KIF1C: variants seen among roughly 807,000 people sequenced by gnomAD.
KIF1C encodes the protein kinesin family member 1C.
Under a neutral mutation model 126.5 loss-of-function variants are expected in KIF1C, and 61 were observed. The ratio of observed to expected loss-of-function variants is 0.48; its 90% CI spans 0.39 to 0.60. The LOEUF (loss-of-function observed/expected upper bound fraction) is 0.60. Ranked by LOEUF, KIF1C falls within the 20% of genes least tolerant of loss-of-function variation. The pLI, the probability that KIF1C is intolerant of heterozygous loss-of-function variation, is 0.00. For missense variants in KIF1C, 1,315 were observed against 1,489.2 expected, an observed-to-expected ratio of 0.88 and a Z score of 1.93; for synonymous variants, 640 against 580.6, an observed-to-expected ratio of 1.10 and a Z score of -1.47.
rs374307938 is a variant in KIF1C at position 5,020,454 on chromosome 17, T to C, written c.1751-38T>C. 1.2e-4 allele frequency: 194 copies of C among 1,571,168 alleles called. No homozygotes were observed. Among genetic ancestry groups the C allele is most frequent in the Non-Finnish European group, 1.6e-4 (186 of 1,153,866 alleles). ...GGTGTAGGGATGGATTTGGTGCTGATGGGAAGCGAGTTTACTTTTCCCTCC... is the reference window on the plus strand; with the variant it reads ...GGTGTAGGGATGGATTTGGTGCTGACGGGAAGCGAGTTTACTTTTCCCTCC... On this transcript the variant is annotated intron_variant, in intron 19 of 22. Transcript: ENST00000320785. The surrounding 1 kb of genome is among the most constrained non-coding windows in gnomAD (Gnocchi z 5.8).
At chr17:5,004,398 C>T (rs920187715) in intron 11 of KIF1C, among the ~76,000 whole-genome samples, 169 bp from the exon 12 acceptor site, 2 of 152,170 alleles carry the variant, frequency 1.3e-5, no homozygotes, top group Non-Finnish European at 2.9e-5. Context: ...TGACCTCATC[C>T]CCTCCCATAA....
chr17:4,999,978 G>A lies in KIF1C; in HGVS notation c.-28+8G>A, dbSNP rs531544601. 2.7e-4 allele frequency: 127 copies of A among 469,290 alleles called. 2 individuals are homozygous for A. Among genetic ancestry groups the A allele is most frequent in the Non-Finnish European group, 4.5e-4 (115 of 256,576 alleles). The allele number at this position is 469,290 out of a possible 1,614,324, so 29.1% of individuals were successfully genotyped here. On this transcript the variant is annotated splice_region_variant and intron_variant, in intron 2 of 22. Transcript: ENST00000320785. Reference sequence around the variant, plus strand: ...CTGGGGCCAGGACGCCAGGTAACTGGGGGAGACCGCCCAGGTTCCTGCAAG... The same window carrying A: ...CTGGGGCCAGGACGCCAGGTAACTGAGGGAGACCGCCCAGGTTCCTGCAAG...
intron 18 of KIF1C, 75 bp downstream of exon 18, chr17:5,014,912 G>C: frequency 1.6e-6 from 2 of 1,256,892 alleles, no homozygotes; most frequent in Non-Finnish European, 2.3e-6. Context: ...TGAACTCAGA[G>C]GTCTGGGTTG....
intron 17 of KIF1C, 80 bp downstream of exon 17, chr17:5,013,812 C>T: frequency 9.3e-7 from 1 of 1,078,322 alleles, no homozygotes; most frequent in South Asian, 1.3e-5. Context: ...TTGGTGTCTC[C>T]CTTCCCTGGT....
At position 5,006,949 on chromosome 17, in the gene KIF1C, C is replaced by T; in HGVS notation, c.1200C>T (p.Ala400=). 3.7e-6 allele frequency: 6 copies of T among 1,609,612 alleles called. No homozygotes were observed. The highest frequency in any genetic ancestry group is 2.2e-5 in the South Asian group (2 of 90,564). ...LKTEEGSVRG[A]LPAVSSPPAP... is the part of the protein sequence containing the mutation. Reference sequence around the variant, plus strand: ...CGGAAGAAGGGAGTGTCAGAGGCGCCCTGCCAGCTGTGTCATCTCCCCCAG... The same window carrying T: ...CGGAAGAAGGGAGTGTCAGAGGCGCTCTGCCAGCTGTGTCATCTCCCCCAG... The change falls in exon 14 of 23, where the codon GCC becomes GCT. Residue 400 remains alanine (A), a synonymous_variant. Coordinates refer to ENST00000320785, the MANE Select transcript of KIF1C (RefSeq NM_006612.6).
intron 16 of KIF1C, among the ~76,000 whole-genome samples, chr17:5,009,803 A>G (rs912599299): frequency 6.6e-6 from 1 of 151,800 alleles, no homozygotes; most frequent in African/African-American, 2.4e-5. Flanking sequence ...AAAAAAAAGA[A>G]AAAATGTTCT....
At chr17:4,998,421 C>T (rs886166519) in intron 1 of KIF1C, among the ~76,000 whole-genome samples, 2 of 152,190 alleles carry the variant, frequency 1.3e-5, no homozygotes, top group Non-Finnish European at 2.9e-5. Flanking sequence ...TGGCCCAAGA[C>T]CCCCTTTCGG....
Position 5,024,442 on chromosome 17 carries a change from G to T in KIF1C, c.*291G>T, listed in dbSNP as rs1318890209. On this transcript the variant is annotated 3_prime_UTR_variant, in exon 23 of 23. Coordinates refer to ENST00000320785, the MANE Select transcript of KIF1C (RefSeq NM_006612.6). Reference sequence around the variant, plus strand: ...AAACGCTGCTATGGGTGGGGTGGGGGGCTGGGGTGCTGCGTAGCCAGTGTT... The same window carrying T: ...AAACGCTGCTATGGGTGGGGTGGGGTGCTGGGGTGCTGCGTAGCCAGTGTT... 2.7e-6 allele frequency: 1 copy of T among 376,952 alleles called. No individual in the cohort carries two copies. Among genetic ancestry groups the T allele is most frequent in the South Asian group, 7.9e-5 (1 of 12,618 alleles). 23.4% of individuals were successfully genotyped at this position (376,952 alleles called of 1,614,324 possible). A position where few individuals can be genotyped will look rare whatever the true frequency, so the allele number is the denominator to read the frequency against.
Position 4,997,992 on chromosome 17 carries a change from C to G in KIF1C, c.-313C>G, listed in dbSNP as rs1974424503. The G allele has an allele frequency of 1.4e-5, 2 of 146,960 alleles. No individual in the cohort carries two copies. Among genetic ancestry groups the G allele is most frequent in the African/African-American group, 4.9e-5 (2 of 40,564 alleles). 9.1% of individuals were successfully genotyped at this position (146,960 alleles called of 1,614,324 possible). A position where few individuals can be genotyped will look rare whatever the true frequency, so the allele number is the denominator to read the frequency against. Reference sequence around the variant, plus strand: ...CGGGCGCCGGCCGCTGGCGCCGCTACTGCTGCCGCCCCCGGGGCGCGAGTC... The same window carrying G: ...CGGGCGCCGGCCGCTGGCGCCGCTAGTGCTGCCGCCCCCGGGGCGCGAGTC... On this transcript the variant is annotated 5_prime_UTR_variant, in exon 1 of 23. Coordinates refer to ENST00000320785, the MANE Select transcript of KIF1C (RefSeq NM_006612.6).
At chr17:5,000,475 T>A in intron 3 of KIF1C, 123 bp downstream of exon 3, 1 of 739,808 alleles carries the variant, frequency 1.4e-6, no homozygotes, top group Non-Finnish European at 2.3e-6. Flanking sequence ...GTGCTAGTCG[T>A]AAGGGCGGGG....
chr17:5,008,717 GTGTCTGGGGTCT>G (rs1249045439), intron 16 of KIF1C, among the ~76,000 whole-genome samples: 1 of 152,252 alleles, frequency 6.6e-6, no homozygotes, highest in Non-Finnish European at 1.5e-5. Flanking sequence ...GCCAGGCTGC[GTGTCTGGGGTCT>G]TGTCTGGGGC....
chr17:5,007,377 T>G (rs1974760164), intron 15 of KIF1C, 35 bp downstream of exon 15: 1 of 1,609,054 alleles, frequency 6.2e-7, no homozygotes, highest in African/African-American at 1.4e-5. Context: ...CTGGGTGGAG[T>G]TGGAGGCCAT....
At chr17:4,999,590 C>T (rs566817006) in intron 1 of KIF1C, among the ~76,000 whole-genome samples, 3 of 152,220 alleles carry the variant, frequency 2.0e-5, no homozygotes, top group African/African-American at 7.2e-5. Flanking sequence ...GCCCATGTGC[C>T]CCTCTCTCTG....
chr17:5,014,545 C>G (rs1301322952), intron 17 of KIF1C, among the ~76,000 whole-genome samples, 198 bp from the exon 18 acceptor site: 1 of 152,184 alleles, frequency 6.6e-6, no homozygotes, highest in South Asian at 2.1e-4. Flanking sequence ...TCAGGCAGAC[C>G]TGGGCTCAGA....
chr17:5,003,517 T>A, intron 8 of KIF1C, 95 bp from the exon 9 acceptor site: 1 of 828,036 alleles, frequency 1.2e-6, no homozygotes, highest in Non-Finnish European at 1.9e-6. Flanking sequence ...CTCTAGCCCT[T>A]GCCAGCTGCC....
Position 5,007,556 on chromosome 17 carries a change from C to T in KIF1C, c.1491+14C>T, listed in dbSNP as rs762953648. ...TCTCCAAAGAAGGTGAGTGAGGAAT[C>T]GAGCGAGGAGGCCTAGAGAGCTCTC... On this transcript the variant is annotated intron_variant, in intron 16 of 22. Coordinates refer to ENST00000320785, the MANE Select transcript of KIF1C (RefSeq NM_006612.6). 8.4e-6 allele frequency: 13 copies of T among 1,538,544 alleles called. No individual in the cohort carries two copies. Among genetic ancestry groups the T allele is most frequent in the African/African-American group, 6.9e-5 (5 of 72,258 alleles).
intron 13 of KIF1C, 73 bp downstream of exon 13, chr17:5,005,073 C>T (rs1974695842): frequency 6.3e-7 from 1 of 1,594,916 alleles, no homozygotes; most frequent in South Asian, 1.1e-5. Context: ...TGCCTTTGCC[C>T]AGTCCTGGAG....
At position 5,020,205 on chromosome 17, in the gene KIF1C, A is replaced by G; in HGVS notation, c.1750+126A>G. ...TACATCAGAAATAGCACGGGGATAT[A>G]AAGAAGGAACTGGGAAGTGAAGGTC... On this transcript the variant is annotated intron_variant, in intron 19 of 22. Coordinates refer to ENST00000320785, the MANE Select transcript of KIF1C (RefSeq NM_006612.6). The surrounding 1 kb of genome is among the most constrained non-coding windows in gnomAD (Gnocchi z 5.8). 3 of 788,140 alleles carry G rather than the reference A, an allele frequency of 3.8e-6. No homozygotes were observed. The highest frequency in any genetic ancestry group is 6.5e-6 in the Non-Finnish European group (3 of 459,776). The allele number at this position is 788,140 out of a possible 1,614,324, so 48.8% of individuals were successfully genotyped here.
chr17:5,007,150 C>G (rs1974753351), intron 14 of KIF1C, 66 bp downstream of exon 14: 1 of 1,574,586 alleles, frequency 6.4e-7, no homozygotes, highest in Non-Finnish European at 8.6e-7. Flanking sequence ...TCTCCAAAGT[C>G]AAGCTTGAGA....
Sources: allele counts gnomAD v4.1 joint callset (sites outside exome capture counted in the v4.1 genomes callset), GRCh38; gene constraint gnomAD v4.1.1; non-coding constraint Gnocchi (gnomAD v3.1); transcripts MANE v1.5; gene names NCBI Gene and HGNC (gene_info 2026-07-23, HGNC 2026-07-21).